CRYZL1: variants seen among roughly 807,000 people sequenced by gnomAD.
CRYZL1 encodes the protein crystallin zeta like 1.
Under a neutral mutation model 50.6 loss-of-function variants are expected in CRYZL1, and 34 were observed. The ratio of observed to expected loss-of-function variants is 0.67; its 90% CI spans 0.51 to 0.89. The LOEUF is 0.89. Among genes scored for constraint, CRYZL1 ranks in the 40% least tolerant of loss-of-function variants. The pLI is 0.00. For missense variants in CRYZL1, 354 were observed against 402.3 expected, an observed-to-expected ratio of 0.88 and a Z score of 1.03; for synonymous variants, 125 against 134.3, an observed-to-expected ratio of 0.93 and a Z score of 0.48.
chr21:33,624,478 GGCAGA>G (rs1283862904), intron 3 of CRYZL1, among the ~76,000 whole-genome samples, 200 bp downstream of exon 3: 1 of 152,178 alleles, frequency 6.6e-6, no homozygotes, highest in Non-Finnish European at 1.5e-5. Flanking sequence ...GAACCCAGGA[GGCAGA>G]GGTTGCAGTG....
At chr21:33,629,079 A>AGTT (rs1396091999) in intron 2 of CRYZL1, among the ~76,000 whole-genome samples, 2 of 151,722 alleles carry the variant, frequency 1.3e-5, no homozygotes, top group African/African-American at 4.8e-5. Context: ...AAAAAAAAAA[A>AGTT]AGTTAGTCAG....
rs1476054856 is a variant in CRYZL1 at position 33,622,011 on chromosome 21, C to T, written c.202G>A (p.Gly68Arg). The T allele has an allele frequency of 1.2e-6, 2 of 1,610,166 alleles. No individual in the cohort carries two copies. Among genetic ancestry groups the T allele is most frequent in the Non-Finnish European group, 1.7e-6 (2 of 1,176,794 alleles). The change falls in exon 4 of 13, where the codon GGA becomes AGA. Residue 68 changes from glycine to arginine, a missense_variant. Transcript: ENST00000381554. ...DLFPVGREIA[G>R]IVLDVGSKVS... ...GTATACTTACCATCTAATACAATTC[C>T]AGCAATTTCTCTCCCAACAGGAAAT...
At chr21:33,592,887 A>C (rs2086657590) in intron 11 of CRYZL1, among the ~76,000 whole-genome samples, 1 of 152,008 alleles carries the variant, frequency 6.6e-6, no homozygotes, top group Non-Finnish European at 1.5e-5. Context: ...TCCTGCCTCT[A>C]CTAAAAATAC....
chr21:33,612,885 A>G (rs1363611609), intron 6 of CRYZL1, among the ~76,000 whole-genome samples: 1 of 152,068 alleles, frequency 6.6e-6, no homozygotes, highest in Non-Finnish European at 1.5e-5. Context: ...CCCAGGCTGT[A>G]GTGCAGTGGT....
rs962928816 is a variant in CRYZL1, at chr21:33,591,217, A to G, written c.905-10T>C. On this transcript the variant is annotated splice_polypyrimidine_tract_variant and intron_variant, in intron 11 of 12. Transcript: ENST00000381554. Reference sequence around the variant, plus strand: ...ACATCCTTTAAGATACGTAGCTGGAAGGATTGTTAAGGTGGCAATGTAAAG... The same window carrying G: ...ACATCCTTTAAGATACGTAGCTGGAGGGATTGTTAAGGTGGCAATGTAAAG... 9 of 1,606,794 alleles carry G rather than the reference A, an allele frequency of 5.6e-6. No homozygotes were observed. Among genetic ancestry groups the G allele is most frequent in the Non-Finnish European group, 7.7e-6 (9 of 1,173,502 alleles).
Position 33,613,525 on chromosome 21 carries a change from A to T in CRYZL1, c.331+13T>A. The T allele has an allele frequency of 6.3e-7, 1 of 1,582,994 alleles. No individual in the cohort carries two copies. Among genetic ancestry groups the T allele is most frequent in the Non-Finnish European group, 8.7e-7 (1 of 1,152,138 alleles). On this transcript the variant is annotated intron_variant, in intron 6 of 12. Transcript: ENST00000381554. Reference sequence around the variant, plus strand: ...GACTTATGTGAGCTCCAAAGTACTGAATTGCTACATACCCAAGTAATGCTC... The same window carrying T: ...GACTTATGTGAGCTCCAAAGTACTGTATTGCTACATACCCAAGTAATGCTC...
intron 1 of CRYZL1, chr21:33,641,093 T>C: frequency 6.5e-7 from 1 of 1,536,334 alleles, no homozygotes; most frequent in Non-Finnish European, 8.7e-7. Flanking sequence ...ACCTTTCTAC[T>C]CATAACGTGG....
chr21:33,590,005 T>A, intron 12 of CRYZL1, 84 bp from the exon 13 acceptor site: 1 of 733,266 alleles, frequency 1.4e-6, no homozygotes, highest in Non-Finnish European at 2.3e-6. Context: ...ATGCTAGTGC[T>A]CAAATCTATT....
chr21:33,625,164 T>C (rs2087046512), intron 2 of CRYZL1, among the ~76,000 whole-genome samples: 1 of 151,992 alleles, frequency 6.6e-6, no homozygotes, highest in African/African-American at 2.4e-5. Context: ...ACTGATTTTT[T>C]TTTTTTTTTG....
intron 5 of CRYZL1, 25 bp from the exon 6 acceptor site, chr21:33,613,631 A>T (rs112400372): frequency 6.5e-7 from 1 of 1,537,066 alleles, no homozygotes; most frequent in Non-Finnish European, 9.0e-7. Flanking sequence ...AAGAAATTAA[A>T]GGGATGTAAG....
At chr21:33,634,880 A>AT (rs1491448633) in intron 1 of CRYZL1, among the ~76,000 whole-genome samples, 1 of 144,400 alleles carries the variant, frequency 6.9e-6, no homozygotes, top group African/African-American at 2.5e-5. Flanking sequence ...CAACAACAAC[A>AT]ATATATATAT....
chr21:33,627,653 T>C (rs983138394), intron 2 of CRYZL1, among the ~76,000 whole-genome samples: 9 of 152,060 alleles, frequency 5.9e-5, no homozygotes, highest in Non-Finnish European at 1.2e-4. Flanking sequence ...ATTTAAAACT[T>C]AGTAAATCAG....
chr21:33,626,131 T>C (rs2087060371), intron 2 of CRYZL1, among the ~76,000 whole-genome samples: 2 of 151,898 alleles, frequency 1.3e-5, no homozygotes, highest in Non-Finnish European at 2.9e-5. Flanking sequence ...TTTTTTTTTG[T>C]ATTTTTAGTA....
intron 8 of CRYZL1, among the ~76,000 whole-genome samples, chr21:33,600,791 A>AT (rs549339953): frequency 2.8e-4 from 41 of 146,394 alleles, no homozygotes; most frequent in Non-Finnish European, 4.5e-4. Flanking sequence ...ATGCCAGCTA[A>AT]TTTTTTTTTT....
chr21:33,632,725 A>T (rs1301146230), intron 1 of CRYZL1, among the ~76,000 whole-genome samples: 1 of 152,160 alleles, frequency 6.6e-6, no homozygotes, highest in Non-Finnish European at 1.5e-5. Flanking sequence ...TTGTTTCTTT[A>T]ATTTTCAGAG....
intron 1 of CRYZL1, chr21:33,639,964 T>TA (rs1337808230): frequency 2.4e-6 from 1 of 416,098 alleles, no homozygotes; most frequent in Non-Finnish European, 4.3e-6. Flanking sequence ...TAGCTGGAAT[T>TA]ACAGGCGTGC....
intron 6 of CRYZL1, among the ~76,000 whole-genome samples, chr21:33,610,969 G>A (rs939329224): frequency 9.2e-5 from 14 of 152,026 alleles, no homozygotes; most frequent in East Asian, 3.9e-4. Flanking sequence ...GACCTCAGGC[G>A]ATCCACCCAT....
At chr21:33,603,342 T>C in intron 7 of CRYZL1, 62 bp downstream of exon 7, 1 of 1,583,136 alleles carries the variant, frequency 6.3e-7, no homozygotes, top group Non-Finnish European at 8.6e-7. Context: ...GATGGCTCAT[T>C]GCTAAATTTC....
chr21:33,637,760 CATATATATATAT>C (rs10536195), intron 1 of CRYZL1, among the ~76,000 whole-genome samples: 8 of 131,732 alleles, frequency 6.1e-5, no homozygotes, highest in South Asian at 2.4e-4. Flanking sequence ...AAGAGAAAAA[CATATATATATAT>C]ATATATATAT....
Sources: allele counts gnomAD v4.1 joint callset (sites outside exome capture counted in the v4.1 genomes callset), GRCh38; gene constraint gnomAD v4.1.1; transcripts MANE v1.5; gene names NCBI Gene and HGNC (gene_info 2026-07-23, HGNC 2026-07-21).